The following DHX8 variants were observed in gnomAD, a reference collection of about 807,000 sequenced individuals.
The protein encoded by DHX8 is ATP-dependent RNA helicase DHX8.
DHX8 carries 67 observed loss-of-function variants against 140.7 expected under a neutral mutation model. The observed-to-expected ratio is 0.48, with a 90% CI of 0.39 to 0.58. DHX8 has a LOEUF of 0.58. Ranked by LOEUF, DHX8 falls within the 20% of genes least tolerant of loss-of-function variation. The probability of loss-of-function intolerance (pLI) is 0.00; values close to 1 mark genes in which losing one functional copy is unlikely to be tolerated. For synonymous variants in DHX8, 533 were observed against 553.2 expected (o/e 0.96, Z 0.51); for missense variants, 887 against 1,550.7 (o/e 0.57, Z 7.19).
intron 12 of DHX8, among the ~76,000 whole-genome samples, chr17:43,505,318 A>AGTCTT (rs1395878776): frequency 6.6e-6 from 1 of 152,112 alleles, no homozygotes; most frequent in African/African-American, 2.4e-5. Context: ...CTGAGGCAGG[A>AGTCTT]GAATCGCTTG....
chr17:43,509,676 G>GTT (rs71361530), intron 16 of DHX8, among the ~76,000 whole-genome samples: 65 of 150,504 alleles, frequency 4.3e-4, no homozygotes, highest in Middle Eastern at 6.8e-3. Flanking sequence ...TTGTTTTTGT[G>GTT]TTTTTTTTTG....
intron 11 of DHX8, 127 bp from the exon 12 acceptor site, chr17:43,504,517 T>G: frequency 1.2e-6 from 1 of 860,972 alleles, no homozygotes. Flanking sequence ...TTTCTTTGAG[T>G]ACTTTTGATC....
At chr17:43,511,478 GAC>G (rs1271865069) in intron 16 of DHX8, among the ~76,000 whole-genome samples, 1 of 1,114 alleles carries the variant, frequency 9.0e-4, no homozygotes, top group Non-Finnish European at 2.6e-3. Flanking sequence ...TTTTTTTTGA[GAC>G]AGAGTCTTTC....
Position 43,491,164 on chromosome 17 carries a change from G to A in DHX8, c.308-1G>A. On this transcript the variant is annotated splice_acceptor_variant, in intron 3 of 22. Coordinates refer to ENST00000262415, the MANE Select transcript of DHX8 (RefSeq NM_004941.3). LOFTEE classifies it high-confidence loss of function. ...CCCTTCATGCTCTTTAATGAAACAA[G>A]ATCCAGTTGTTAAACCTAAAACAGA... is the stretch of plus-strand genomic sequence containing the variant. 1.3e-6 allele frequency: 2 copies of A among 1,507,360 alleles called. No homozygotes were observed. Among genetic ancestry groups the A allele is most frequent in the Non-Finnish European group, 1.8e-6 (2 of 1,125,692 alleles). The allele number at this position is 1,507,360 out of a possible 1,614,324, so 93.4% of individuals were successfully genotyped here. A position where few individuals can be genotyped will look rare whatever the true frequency, so the allele number is the denominator to read the frequency against.
chr17:43,492,461 A>C (rs1011520774), intron 5 of DHX8, among the ~76,000 whole-genome samples, 169 bp downstream of exon 5: 1 of 152,196 alleles, frequency 6.6e-6, no homozygotes, highest in African/African-American at 2.4e-5. Context: ...AGCAAATGCT[A>C]GGTTGTTCAG....
At chr17:43,523,432 T>C (rs9892162) in intron 22 of DHX8, among the ~76,000 whole-genome samples, 196 bp from the exon 23 acceptor site, 34,358 of 152,174 alleles carry the variant, frequency 0.23, 4,134 homozygotes, top group East Asian at 0.32. Flanking sequence ...TCCTGAGACC[T>C]TTCTTGTGGT....
chr17:43,502,780 T>G (rs776176015), intron 11 of DHX8, among the ~76,000 whole-genome samples: 1 of 152,118 alleles, frequency 6.6e-6, no homozygotes, highest in Non-Finnish European at 1.5e-5. Context: ...AACCAAAATA[T>G]TAGATTTACA....
rs200866092 is a variant in DHX8 at position 43,534,035 on chromosome 17, G to A, written c.351-2377G>A. 2.8e-6 allele frequency: 4 copies of A among 1,452,014 alleles called. 1 individual carries two copies. The East Asian group carries it at 1.1e-4, about 40-fold the overall frequency. The allele number at this position is 1,452,014 out of a possible 1,614,324, so 89.9% of individuals were successfully genotyped here. A position where few individuals can be genotyped will look rare whatever the true frequency, so the allele number is the denominator to read the frequency against. The stretch of plus-strand genomic sequence containing the variant: ...AAGGCCAGAGCCTGTCACACAAGAG[G>A]CAGGCAGGGCTTCTGATACCTTCTG... On this transcript the variant is annotated intron_variant, in intron 2 of 3. Transcript: ENST00000589898.
At position 43,492,636 on chromosome 17, in the gene DHX8, A is replaced by G. The variant is rs1343658094; in HGVS notation, c.504-45A>G. ...GGGTGCTTGGGGATGCGAAGATGAA[A>G]TCGGATTGGTTTCTTTTTTAAACAG... On this transcript the variant is annotated intron_variant, in intron 5 of 22. Coordinates refer to ENST00000262415, the MANE Select transcript of DHX8 (RefSeq NM_004941.3). 3 of 1,184,306 alleles carry G rather than the reference A, an allele frequency of 2.5e-6. No homozygotes were observed. In the Admixed American group the frequency reaches 5.5e-5, roughly 22 times the overall value. The allele number at this position is 1,184,306 out of a possible 1,614,324, so 73.4% of individuals were successfully genotyped here.
chr17:43,539,307 T>G (rs1014660207), intron 3 of DHX8, among the ~76,000 whole-genome samples: 2 of 152,142 alleles, frequency 1.3e-5, no homozygotes, highest in Admixed American at 1.3e-4. Flanking sequence ...GATGCTTTCT[T>G]GCCTTTTTCT....
intron 17 of DHX8, among the ~76,000 whole-genome samples, chr17:43,515,710 G>C (rs1970077280): frequency 6.6e-6 from 1 of 152,150 alleles, no homozygotes; most frequent in Admixed American, 6.5e-5. Flanking sequence ...TTGTCAGGGT[G>C]GCGGTGATCA....
chr17:43,492,165 C>T lies in DHX8; in HGVS notation c.394-18C>T, dbSNP rs73987513. The T allele has an allele frequency of 1.5e-3, 2,390 of 1,602,170 alleles. 38 individuals are homozygous for T. The African/African-American group carries it at 0.028, about 19-fold the overall frequency. On this transcript the variant is annotated intron_variant, in intron 4 of 22. Transcript: ENST00000262415. ...GAGTAGTTTTTTTTCCTAACTTTGC[C>T]GGCCTCTACCTCTGCAGACCATGTT...
chr17:43,509,780 C>G (rs1054730293), intron 16 of DHX8, among the ~76,000 whole-genome samples: 1 of 151,620 alleles, frequency 6.6e-6, no homozygotes, highest in East Asian at 1.9e-4. Context: ...GCGATTCCCC[C>G]GCCTCAGCCT....
intron 18 of DHX8, chr17:43,518,441 AG>A (rs1188068276): frequency 6.6e-6 from 1 of 152,134 alleles, no homozygotes. Context: ...GTTTTTACCC[AG>A]TGTGAACTCT....
intron 11 of DHX8, among the ~76,000 whole-genome samples, chr17:43,503,706 C>T (rs1327186848): frequency 6.6e-6 from 1 of 151,772 alleles, no homozygotes; most frequent in Admixed American, 6.6e-5. Flanking sequence ...CCAGGCACAA[C>T]AGACCACATA....
chr17:43,499,673 A>G, intron 10 of DHX8, among the ~76,000 whole-genome samples: 1 of 152,166 alleles, frequency 6.6e-6, no homozygotes, highest in African/African-American at 2.4e-5. Flanking sequence ...AAATTCTTAT[A>G]CCTTTCTTAT....
chr17:43,530,038 A>T, downstream of DHX8: 1 of 1,603,380 alleles, frequency 6.2e-7, no homozygotes, highest in Non-Finnish European at 8.5e-7. Context: ...GGCCAGGGAG[A>T]CCCTCCCCCA....
At chr17:43,525,848 T>G (rs1970593715), downstream of DHX8, 6 of 976,894 alleles carry the variant, frequency 6.1e-6, no homozygotes, top group South Asian at 2.9e-4. Context: ...CCTGACTGAG[T>G]GCCCAGCACT....
At chr17:43,520,621 A>G in intron 19 of DHX8, 130 bp from the exon 20 acceptor site, 1 of 1,024,336 alleles carries the variant, frequency 9.8e-7, no homozygotes, top group Non-Finnish European at 1.4e-6. Context: ...TGATAGAGAA[A>G]GGCATCCCAA....
Sources: gnomAD v4.1 joint callset for allele counts (sites outside exome capture counted in the v4.1 genomes callset) on GRCh38, gnomAD v4.1.1 for gene constraint, MANE v1.5 for transcripts, NCBI Gene and HGNC (gene_info 2026-07-23, HGNC 2026-07-21) for gene names.